The following TRERF1 variants were observed in gnomAD, a reference collection of about 807,000 sequenced individuals.
TRERF1 encodes the protein transcriptional regulating factor 1.
In TRERF1, 27 loss-of-function variants were observed where a neutral mutation model predicts 122.9. The ratio of observed to expected loss-of-function variants is 0.22; its 90% CI spans 0.16 to 0.30. TRERF1 has a LOEUF of 0.30. TRERF1 is among the 10% of genes least tolerant of loss of function. The probability of loss-of-function intolerance (pLI) is 1.00; values close to 1 mark genes in which losing one functional copy is unlikely to be tolerated. For synonymous variants in TRERF1, 636 were observed against 641.7 expected (o/e 0.99, Z 0.13); for missense variants, 1,248 against 1,560.3 (o/e 0.80, Z 3.37).
intron 2 of TRERF1, among the ~76,000 whole-genome samples, chr6:42,386,222 C>CG (rs965837504): frequency 4.6e-5 from 7 of 152,044 alleles, no homozygotes; most frequent in Non-Finnish European, 8.8e-5. Context: ...TTAGTAGAGA[C>CG]GGGGTTTTGC....
At chr6:42,334,068 T>A (rs920043616) in intron 3 of TRERF1, among the ~76,000 whole-genome samples, 3 of 151,680 alleles carry the variant, frequency 2.0e-5, no homozygotes, top group Admixed American at 2.0e-4. Context: ...CATATACACA[T>A]GCACATACAC....
chr6:42,257,908 C>T (rs73424317), intron 10 of TRERF1, among the ~76,000 whole-genome samples: 2 of 152,212 alleles, frequency 1.3e-5, no homozygotes, highest in African/African-American at 2.4e-5. Context: ...GGACGCTAGG[C>T]TCTCTGAATA....
rs73733132 is a variant in TRERF1 at position 42,262,260 on chromosome 6, T to G, written c.1884+1060A>C. 2.8e-3 allele frequency among the ~76,000 whole-genome samples: 425 copies of G among 152,148 alleles called. 5 individuals are homozygous for G. Among genetic ancestry groups the G allele is most frequent in the African/African-American group, 9.6e-3 (398 of 41,496 alleles). On this transcript the variant is annotated intron_variant, in intron 8 of 17. Transcript: ENST00000372922. ...ACCATAAAGGTTTTTTTCTGTACTT[T>G]TCTAGTTGTATTCATTATCTTCTCT...
chr6:42,274,758 A>T (rs1319670291), intron 4 of TRERF1, among the ~76,000 whole-genome samples: 1 of 152,222 alleles, frequency 6.6e-6, no homozygotes, highest in Non-Finnish European at 1.5e-5. Flanking sequence ...CCATAGGGAG[A>T]TAATGGCAAA....
chr6:42,239,020 C>A (rs763863552), intron 15 of TRERF1, among the ~76,000 whole-genome samples: 1 of 152,166 alleles, frequency 6.6e-6, no homozygotes, highest in Non-Finnish European at 1.5e-5. Flanking sequence ...AAAACCTCAA[C>A]CTTCTTCACT....
At chr6:42,403,549 G>A (rs1002194257) in intron 2 of TRERF1, among the ~76,000 whole-genome samples, 4 of 152,154 alleles carry the variant, frequency 2.6e-5, no homozygotes, top group Admixed American at 6.5e-5. Context: ...ACCCCTGGAC[G>A]GAACCAACCT....
intron 2 of TRERF1, among the ~76,000 whole-genome samples, chr6:42,449,684 C>G (rs1181176965): frequency 1.3e-5 from 2 of 152,146 alleles, no homozygotes; most frequent in African/African-American, 2.4e-5. Context: ...AAAATAATAG[C>G]TAATTTGCTT....
rs1385894674 is a variant in TRERF1 at position 42,269,313 on chromosome 6, T to C, written c.278A>G (p.Asn93Ser). 1.2e-6 allele frequency: 2 copies of C among 1,614,108 alleles called. No individual in the cohort carries two copies. Among genetic ancestry groups the C allele is most frequent in the Non-Finnish European group, 1.7e-6 (2 of 1,180,014 alleles). ...CAGGTTTCCACGTAGCTGGACATGG[T>C]TTCCAGGCCCTGCATGACTTCCCCA... Residue 93 changes from asparagine (N) to serine (S), a missense_variant, in exon 5 of 18, where the codon AAC (asparagine) becomes AGC (serine). Around this residue, in one of 5 missense-constraint regions of TRERF1, gnomAD observed 946 missense variants for 1,073.0 expected, o/e 0.88. Coordinates refer to ENST00000372922, the Ensembl canonical transcript of TRERF1. This position sits in a 1 kb window ranked among gnomAD's most constrained non-coding sequence, Gnocchi z 4.9.
intron 3 of TRERF1, among the ~76,000 whole-genome samples, chr6:42,354,450 G>T (rs1333686202): frequency 1.4e-5 from 2 of 146,106 alleles, no homozygotes; most frequent in African/African-American, 2.5e-5. Flanking sequence ...TTTCCTTTTT[G>T]AATGCTTTTC....
intron 3 of TRERF1, among the ~76,000 whole-genome samples, chr6:42,321,172 T>G (rs1583023812): frequency 6.8e-6 from 1 of 147,208 alleles, no homozygotes. Flanking sequence ...AAAAAAGGCA[T>G]TTTCTTCTCT....
chr6:42,283,611 CTTTTTTT>C (rs869206003), intron 4 of TRERF1, among the ~76,000 whole-genome samples: 5 of 107,998 alleles, frequency 4.6e-5, no homozygotes, highest in Non-Finnish European at 9.4e-5. Flanking sequence ...ATGAAAAAAA[CTTTTTTT>C]TTTTTTTTTT....
intron 13 of TRERF1, among the ~76,000 whole-genome samples, chr6:42,253,916 C>A (rs914685639): frequency 3.3e-5 from 5 of 152,212 alleles, no homozygotes; most frequent in African/African-American, 1.2e-4. Flanking sequence ...ACCAAAGAAA[C>A]CCTCAAGTGA....
chr6:42,405,802 AAAAAATT>A (rs1780095338), intron 2 of TRERF1, among the ~76,000 whole-genome samples: 1 of 150,760 alleles, frequency 6.6e-6, no homozygotes, highest in African/African-American at 2.4e-5. Flanking sequence ...CTCAAAAAAA[AAAAAATT>A]AAAAAAATTA....
At chr6:42,306,819 T>TTAATTAATC (rs1787346741) in intron 3 of TRERF1, among the ~76,000 whole-genome samples, 1 of 152,252 alleles carries the variant, frequency 6.6e-6, no homozygotes, top group Non-Finnish European at 1.5e-5. Flanking sequence ...ATCAATTATG[T>TTAATTAATC]GATTAACGAG....
intron 3 of TRERF1, among the ~76,000 whole-genome samples, chr6:42,344,706 T>G (rs1175846973): frequency 6.6e-6 from 1 of 152,148 alleles, no homozygotes; most frequent in Non-Finnish European, 1.5e-5. Context: ...CAGGACATGC[T>G]GCTTGCTAAA....
At chr6:42,343,375 C>A (rs1421641745) in intron 3 of TRERF1, among the ~76,000 whole-genome samples, 2 of 152,200 alleles carry the variant, frequency 1.3e-5, no homozygotes, top group African/African-American at 2.4e-5. Context: ...TCATAATGTA[C>A]CTGCCGCATA....
At position 42,392,639 on chromosome 6, in the gene TRERF1, G is replaced by A. The variant is rs577683042; in HGVS notation, c.-453-29560C>T. 2.4e-4 allele frequency among the ~76,000 whole-genome samples: 36 copies of A among 152,246 alleles called. No homozygotes were observed. In the South Asian group the frequency reaches 6.9e-3, roughly 29 times the overall value. ...GTCCCTCAGAGCATCAGTCTTAGCAGAAAATCTTTTCATGTCCCTGAAAGT... is the reference window on the plus strand; with the variant it reads ...GTCCCTCAGAGCATCAGTCTTAGCAAAAAATCTTTTCATGTCCCTGAAAGT... On this transcript the variant is annotated intron_variant, in intron 2 of 17. Coordinates refer to ENST00000372922, the Ensembl canonical transcript of TRERF1.
In TRERF1 at chr6:42,233,001, C is replaced by T; in HGVS notation, c.3067-109G>A. On this transcript the variant is annotated intron_variant, in intron 16 of 17. Transcript: ENST00000372922. ...TACTTGAAACTGTCTAATGACAGGG[C>T]ACAAGGGTTTTATATAAGCAAACTT... 5 of 1,429,882 alleles carry T rather than the reference C, an allele frequency of 3.5e-6. No homozygotes were observed. In the Admixed American group the frequency reaches 1.1e-4, roughly 30 times the overall value. The allele number at this position is 1,429,882 out of a possible 1,614,324, so 88.6% of individuals were successfully genotyped here. A position where few individuals can be genotyped will look rare whatever the true frequency, so the allele number is the denominator to read the frequency against.
intron 3 of TRERF1, among the ~76,000 whole-genome samples, chr6:42,342,795 A>C (rs1178381193): frequency 6.6e-6 from 1 of 152,214 alleles, no homozygotes; most frequent in African/African-American, 2.4e-5. Context: ...CTCTCTCGTC[A>C]GTCTCTTTTT....
Sources: allele counts gnomAD v4.1 joint callset (sites outside exome capture counted in the v4.1 genomes callset), GRCh38; gene constraint gnomAD v4.1.1; regional missense constraint gnomAD v4.1.1; non-coding constraint Gnocchi (gnomAD v3.1); transcripts MANE v1.5; gene names NCBI Gene and HGNC (gene_info 2026-07-23, HGNC 2026-07-21).